Variants in SNX30 observed in about 807,000 individuals in gnomAD.
The protein encoded by SNX30 is sorting nexin-30.
SNX30 carries 24 observed loss-of-function variants against 46.4 expected under a neutral mutation model. The ratio of observed to expected loss-of-function variants is 0.52; its 90% CI spans 0.37 to 0.73. SNX30 has a LOEUF of 0.73. SNX30 is among the 30% of genes least tolerant of loss of function. The pLI is 0.00. For synonymous variants in SNX30, 189 were observed against 211.5 expected (o/e 0.89, Z 0.92); for missense variants, 533 against 555.7 (o/e 0.96, Z 0.41).
chr9:112,768,532 A>G (rs1310550985), intron 1 of SNX30, among the ~76,000 whole-genome samples: 1 of 151,636 alleles, frequency 6.6e-6, no homozygotes, highest in Non-Finnish European at 1.5e-5. Context: ...TCCTCCAAAG[A>G]TCTCTTAGAC....
At chr9:112,831,647 C>T (rs1475860218) in intron 4 of SNX30, among the ~76,000 whole-genome samples, 1 of 152,230 alleles carries the variant, frequency 6.6e-6, no homozygotes, top group Non-Finnish European at 1.5e-5. Flanking sequence ...CCCTGTGTAT[C>T]AGACTGCCTG....
chr9:112,883,347 G>A (rs1477769829), downstream of SNX30, among the ~76,000 whole-genome samples: 2 of 152,124 alleles, frequency 1.3e-5, no homozygotes, highest in African/African-American at 4.8e-5. Flanking sequence ...CAGATACCAG[G>A]TGCAATGCAT....
In SNX30 at chr9:112,804,919, G is replaced by A. The variant is rs1043801423; in HGVS notation, c.300G>A (p.Lys100=). The change falls in exon 2 of 9, where the codon AAG becomes AAA. Residue 100 remains lysine (K), a synonymous_variant. Transcript: ENST00000374232. ...TCGTTATAGTTGATGATCCCAAGAA[G>A]CATGTGTGTACAATGGAGACTTACA... The part of the protein sequence containing the change: ...DLFVIVDDPK[K]HVCTMETYIT... 6.2e-7 allele frequency: 1 copy of A among 1,613,790 alleles called. No homozygotes were observed. Among genetic ancestry groups the A allele is most frequent in the Non-Finnish European group, 8.5e-7 (1 of 1,179,816 alleles).
At chr9:112,805,008 C>G in intron 2 of SNX30, 41 bp downstream of exon 2, 1 of 1,494,392 alleles carries the variant, frequency 6.7e-7, no homozygotes, top group Non-Finnish European at 9.0e-7. Flanking sequence ...TGAGTGGTCT[C>G]GGGGAATTGG....
chr9:112,751,104 G>T lies in SNX30; in HGVS notation c.103G>T (p.Gly35Cys). Residue 35 changes from glycine to cysteine, a missense_variant, in exon 1 of 9, where the codon GGT (glycine) becomes TGT (cysteine). Gly to Cys is a radical substitution (Grantham distance 159). Around this residue, in one of 3 missense-constraint regions of SNX30, gnomAD observed 191 missense variants for 160.3 expected, o/e 1.19. Transcript: ENST00000374232. ...CTCCAGCAGCGAGGAGGCCGTGGGT[G>T]GTGACAGCACGCCCAGCCCGGACCT... ...AGSSSEEAVG[G>C]DSTPSPDLLM... 2 of 1,521,270 alleles carry T rather than the reference G, an allele frequency of 1.3e-6. No individual in the cohort carries two copies. Among genetic ancestry groups the T allele is most frequent in the East Asian group, 2.6e-5 (1 of 38,702 alleles). The allele number at this position is 1,521,270 out of a possible 1,614,324, so 94.2% of individuals were successfully genotyped here.
At chr9:112,840,731 G>A (rs1311712086) in intron 6 of SNX30, among the ~76,000 whole-genome samples, 4 of 151,586 alleles carry the variant, frequency 2.6e-5, no homozygotes, top group East Asian at 1.9e-4. Flanking sequence ...CATCCGCCTC[G>A]GCCTCCCAAA....
chr9:112,841,448 A>T (rs1245236706), intron 6 of SNX30, among the ~76,000 whole-genome samples: 1 of 152,182 alleles, frequency 6.6e-6, no homozygotes, highest in East Asian at 1.9e-4. Context: ...AGCCTGAAAA[A>T]TCAGGTCAAT....
downstream of SNX30, chr9:112,879,726 A>G (rs374632624): frequency 1.3e-5 from 21 of 1,594,092 alleles, no homozygotes; most frequent in African/African-American, 1.7e-4. Flanking sequence ...GGGCCTGGCC[A>G]TGGCTGATGT....
rs1354229942 is a variant in SNX30 at position 112,822,544 on chromosome 9, T to TTTG, written c.459+4731_459+4732insGTT. On this transcript the variant is annotated intron_variant, in intron 3 of 8. Coordinates refer to ENST00000374232, the MANE Select transcript of SNX30 (RefSeq NM_001012994.2). ...TGTCCCTTTGCTGTTTTGTTTTGTTTTTTTTTTTTGTAAGAACCTGTAACA... is the reference window on the plus strand; with the variant it reads ...TGTCCCTTTGCTGTTTTGTTTTGTTTTTGTTTTTTTTTGTAAGAACCTGTAACA... 2.0e-5 allele frequency among the ~76,000 whole-genome samples: 3 copies of TTTG among 149,790 alleles called. No individual in the cohort carries two copies. In the East Asian group the frequency reaches 5.8e-4, roughly 29 times the overall value.
chr9:112,763,678 G>A (rs943970266), intron 1 of SNX30, among the ~76,000 whole-genome samples: 8 of 151,716 alleles, frequency 5.3e-5, no homozygotes, highest in Non-Finnish European at 1.2e-4. Flanking sequence ...GTGAAACCAC[G>A]TCTCTACTAA....
At position 112,767,119 on chromosome 9, in the gene SNX30, A is replaced by ATTTTCT. The variant is rs776895151; in HGVS notation, c.156+15966_156+15967insCTTTTT. 6.9e-5 allele frequency among the ~76,000 whole-genome samples: 2 copies of ATTTTCT among 28,824 alleles called. 1 individual carries two copies. The highest frequency in any genetic ancestry group is 2.0e-4 in the African/African-American group (2 of 10,204). The allele number at this position is 28,824 out of a possible 152,430, so 18.9% of individuals were successfully genotyped here. ...CTCCATGTCTTTGCCAACACTAATTATTTTATTTTTTTTTTTTGATAGTAG... is the reference window on the plus strand; with the variant it reads ...CTCCATGTCTTTGCCAACACTAATTATTTTCTTTTTATTTTTTTTTTTTGATAGTAG... On this transcript the variant is annotated intron_variant, in intron 1 of 8. Coordinates refer to ENST00000374232, the MANE Select transcript of SNX30 (RefSeq NM_001012994.2).
At chr9:112,864,155 T>A in intron 7 of SNX30, 92 bp from the exon 8 acceptor site, 1 of 1,345,132 alleles carries the variant, frequency 7.4e-7, no homozygotes, top group South Asian at 1.2e-5. Flanking sequence ...AATGTAGGGC[T>A]TTGGCCTTTG....
intron 6 of SNX30, among the ~76,000 whole-genome samples, chr9:112,845,490 A>G (rs947901483): frequency 3.3e-5 from 5 of 152,170 alleles, no homozygotes; most frequent in African/African-American, 9.7e-5. Context: ...CACAGGGGCC[A>G]CTTCCTTCTC....
chr9:112,787,398 G>T (rs1379269955), intron 1 of SNX30, among the ~76,000 whole-genome samples: 2 of 152,134 alleles, frequency 1.3e-5, no homozygotes, highest in African/African-American at 2.4e-5. Context: ...TTCATTTTAG[G>T]TTTGGATTGA....
chr9:112,756,680 C>T (rs944384765), intron 1 of SNX30, among the ~76,000 whole-genome samples: 45 of 152,038 alleles, frequency 3.0e-4, no homozygotes, highest in African/African-American at 8.7e-4. Context: ...AGGCTGGTCT[C>T]GAACTCCTGA....
chr9:112,766,254 A>G (rs1001249871), intron 1 of SNX30, among the ~76,000 whole-genome samples: 1 of 152,054 alleles, frequency 6.6e-6, no homozygotes, highest in Non-Finnish European at 1.5e-5. Context: ...GTGTTACTTC[A>G]TTCCTTTTTA....
upstream of SNX30, chr9:112,750,726 CGGGTGGGCGGTGTGGCTGTGTG>C (rs1423820244): frequency 3.3e-5 from 5 of 150,706 alleles, no homozygotes; most frequent in Admixed American, 2.7e-4. Flanking sequence ...GGGGCCGGAG[CGGGTGGGCGGTGTGGCTGTGTG>C]GGCTGGGCGC....
chr9:112,838,548 G>T lies in SNX30; in HGVS notation c.865G>T (p.Ala289Ser). 6.2e-7 allele frequency: 1 copy of T among 1,614,206 alleles called. No individual in the cohort carries two copies. The highest frequency in any genetic ancestry group is 8.5e-7 in the Non-Finnish European group (1 of 1,180,036). The change falls in exon 6 of 9, where the codon GCC (alanine) becomes TCC (serine). Residue 289 changes from alanine (A) to serine (S), a missense_variant. Around this residue, in one of 3 missense-constraint regions of SNX30, gnomAD observed 261 missense variants for 270.9 expected, o/e 0.96. Transcript: ENST00000374232. ...CGGGCCTGTGTACTCCACATGGAGCGCCTTGGAGGGTGAGCTGGCTGAACC... is the reference window on the plus strand; with the variant it reads ...CGGGCCTGTGTACTCCACATGGAGCTCCTTGGAGGGTGAGCTGGCTGAACC... ...EYGPVYSTWS[A>S]LEGELAEPLE...
intron 8 of SNX30, among the ~76,000 whole-genome samples, chr9:112,868,461 G>A (rs1841395786): frequency 6.6e-6 from 1 of 152,044 alleles, no homozygotes; most frequent in Admixed American, 6.5e-5. Flanking sequence ...TTCCTGCTTG[G>A]GCTTTTTTCT....
Sources: gnomAD v4.1 joint callset for allele counts (sites outside exome capture counted in the v4.1 genomes callset) on GRCh38, gnomAD v4.1.1 for gene constraint, gnomAD v4.1.1 regional missense constraint, MANE v1.5 for transcripts, NCBI Gene and HGNC (gene_info 2026-07-23, HGNC 2026-07-21) for gene names.